CNTN4: variants seen among roughly 807,000 people sequenced by gnomAD.
CNTN4 encodes contactin-4.
CNTN4 carries 77 observed loss-of-function variants against 122.5 expected under a neutral mutation model. The observed-to-expected ratio is 0.63, with a 90% CI of 0.52 to 0.76. The LOEUF is 0.76. Among genes scored for constraint, CNTN4 ranks in the 30% least tolerant of loss-of-function variants. The probability of loss-of-function intolerance (pLI) is 0.00; values close to 1 mark genes in which losing one functional copy is unlikely to be tolerated. For missense variants in CNTN4, 1,256 were observed against 1,259.1 expected (o/e 1.00, Z 0.04); for synonymous variants, 512 against 447.0 (o/e 1.15, Z -1.83).
At chr3:2,890,393 G>A (rs2094025425) in intron 10 of CNTN4, among the ~76,000 whole-genome samples, 1 of 152,146 alleles carries the variant, frequency 6.6e-6, no homozygotes, top group East Asian at 1.9e-4. Context: ...AGGTGAGAAA[G>A]TACCCCAGTC....
chr3:2,687,497 CA>C (rs567536724), intron 4 of CNTN4, among the ~76,000 whole-genome samples: 8 of 151,650 alleles, frequency 5.3e-5, no homozygotes, highest in Admixed American at 1.3e-4. Context: ...TCTATGTCTT[CA>C]AAAAAAATAC....
At chr3:2,995,302 G>A (rs1445806963) in intron 14 of CNTN4, among the ~76,000 whole-genome samples, 1 of 152,172 alleles carries the variant, frequency 6.6e-6, no homozygotes, top group Non-Finnish European at 1.5e-5. Flanking sequence ...TATTTCCTCT[G>A]ACATTCTTAT....
intron 6 of CNTN4, among the ~76,000 whole-genome samples, chr3:2,746,796 T>G (rs931706608): frequency 2.0e-5 from 3 of 152,232 alleles, no homozygotes; most frequent in African/African-American, 7.2e-5. Context: ...GATTATTCTG[T>G]TAGTGAATGT....
Position 2,940,938 on chromosome 3 carries a change from C to T in CNTN4, c.1358+15159C>T, listed in dbSNP as rs538251115. On this transcript the variant is annotated intron_variant, in intron 13 of 24. Transcript: ENST00000418658. ...TTATATTTTCAGTTGCTTCCACACA[C>T]ATTGACTTTCCCACATATTGATTTG... Among the ~76,000 whole-genome samples the T allele has an allele frequency of 1.5e-4, 23 of 152,264 alleles. No homozygotes were observed. In the Middle Eastern group the frequency reaches 0.01, roughly 68 times the overall value.
chr3:2,899,558 C>T (rs2094150438), intron 10 of CNTN4, among the ~76,000 whole-genome samples: 1 of 152,016 alleles, frequency 6.6e-6, no homozygotes, highest in East Asian at 1.9e-4. Flanking sequence ...GTGCTTGAGG[C>T]AAGATTTGAT....
chr3:2,277,224 C>A (rs1012353214), intron 2 of CNTN4, among the ~76,000 whole-genome samples: 1 of 152,050 alleles, frequency 6.6e-6, no homozygotes, highest in Non-Finnish European at 1.5e-5. Context: ...CATTTAAATA[C>A]GTAATTTAAT....
intron 3 of CNTN4, among the ~76,000 whole-genome samples, chr3:2,519,446 T>C (rs1361366346): frequency 6.6e-6 from 1 of 152,238 alleles, no homozygotes; most frequent in Non-Finnish European, 1.5e-5. Flanking sequence ...TTGTAGTCTG[T>C]CTAGGGATAG....
intron 12 of CNTN4, among the ~76,000 whole-genome samples, chr3:2,917,172 G>A (rs558981350): frequency 2.4e-4 from 36 of 149,880 alleles, no homozygotes; most frequent in Admixed American, 1.9e-3. Context: ...GTGGCGGCGC[G>A]CGCCTGCAAT....
chr3:2,124,841 T>C (rs938772311), intron 2 of CNTN4, among the ~76,000 whole-genome samples: 51 of 152,332 alleles, frequency 3.3e-4, no homozygotes, highest in African/African-American at 1.2e-3. Context: ...ATTTAATGTA[T>C]ACAATTTGCG....
At chr3:2,349,900 C>A (rs2044542427) in intron 3 of CNTN4, among the ~76,000 whole-genome samples, 1 of 152,006 alleles carries the variant, frequency 6.6e-6, no homozygotes, top group Admixed American at 6.6e-5. Flanking sequence ...GGAAGAGAAA[C>A]AACAGTCAAC....
chr3:3,001,927 A>G (rs1479767524), intron 14 of CNTN4, among the ~76,000 whole-genome samples: 1 of 152,242 alleles, frequency 6.6e-6, no homozygotes, highest in Non-Finnish European at 1.5e-5. Flanking sequence ...CTGAATGGAC[A>G]TGATCTTCTC....
intron 2 of CNTN4, among the ~76,000 whole-genome samples, chr3:2,125,110 C>G (rs1013164828): frequency 6.6e-6 from 1 of 152,106 alleles, no homozygotes. Context: ...TGAACAATAA[C>G]TCTCCATTTT....
At chr3:2,720,221 T>C (rs1393161991) in intron 4 of CNTN4, among the ~76,000 whole-genome samples, 1 of 152,198 alleles carries the variant, frequency 6.6e-6, no homozygotes, top group Non-Finnish European at 1.5e-5. Context: ...TACACTTTGC[T>C]TCTTTTTGAT....
intron 5 of CNTN4, 29 bp from the exon 6 acceptor site, chr3:2,745,493 C>T: frequency 2.6e-6 from 4 of 1,566,152 alleles, no homozygotes; most frequent in Non-Finnish European, 2.6e-6. Flanking sequence ...TATGACAAGA[C>T]TTTATCTACT....
chr3:2,926,042 A>C (rs996332425), intron 13 of CNTN4, among the ~76,000 whole-genome samples: 14 of 152,230 alleles, frequency 9.2e-5, no homozygotes, highest in Admixed American at 5.9e-4. Flanking sequence ...GAAGATGAAC[A>C]GTTAGAAACA....
At chr3:2,627,793 A>G (rs768123028) in intron 4 of CNTN4, among the ~76,000 whole-genome samples, 3 of 152,134 alleles carry the variant, frequency 2.0e-5, no homozygotes, top group Non-Finnish European at 2.9e-5. Context: ...GTGCCTGGCC[A>G]ACTGTCATTT....
chr3:2,193,151 C>T (rs2037665740), intron 2 of CNTN4, among the ~76,000 whole-genome samples: 1 of 152,202 alleles, frequency 6.6e-6, no homozygotes, highest in African/African-American at 2.4e-5. Flanking sequence ...AGTTCCATCC[C>T]CTGAGAAAAC....
intron 10 of CNTN4, among the ~76,000 whole-genome samples, chr3:2,894,765 T>C (rs1232558037): frequency 1.3e-5 from 2 of 152,208 alleles, no homozygotes; most frequent in East Asian, 3.8e-4. Flanking sequence ...CATAGCTTGA[T>C]TGATCTGGGT....
intron 2 of CNTN4, among the ~76,000 whole-genome samples, chr3:2,180,477 T>C (rs892886612): frequency 2.6e-5 from 4 of 151,988 alleles, no homozygotes; most frequent in Non-Finnish European, 5.9e-5. Flanking sequence ...AACACATATT[T>C]TGGGTCCACT....
Sources: allele counts gnomAD v4.1 joint callset (sites outside exome capture counted in the v4.1 genomes callset), GRCh38; gene constraint gnomAD v4.1.1; transcripts MANE v1.5; gene names NCBI Gene and HGNC (gene_info 2026-07-23, HGNC 2026-07-21).